Variants in PIBF1 observed in about 807,000 individuals in gnomAD.
PIBF1 encodes progesterone-induced-blocking factor 1.
A neutral mutation model predicts 112.5 loss-of-function variants in PIBF1; 90 were observed. The ratio of observed to expected loss-of-function variants is 0.80; its 90% CI spans 0.67 to 0.95. The LOEUF (loss-of-function observed/expected upper bound fraction) is 0.95, where lower values mean the gene tolerates loss of function less well. PIBF1 is among the 40% of genes least tolerant of loss of function. The pLI, the probability that PIBF1 is intolerant of heterozygous loss-of-function variation, is 0.00. For synonymous variants in PIBF1, 301 were observed against 288.6 expected (o/e 1.04, Z -0.44); for missense variants, 915 against 852.3 (o/e 1.07, Z -0.92).
intron 11 of PIBF1, among the ~76,000 whole-genome samples, chr13:72,898,039 C>T (rs2040346888): frequency 6.6e-6 from 1 of 152,040 alleles, no homozygotes; most frequent in African/African-American, 2.4e-5. Context: ...GGAACTTTCT[C>T]CAAGATAGAC....
At chr13:72,946,514 T>A (rs966276200) in intron 14 of PIBF1, among the ~76,000 whole-genome samples, 1 of 152,210 alleles carries the variant, frequency 6.6e-6, no homozygotes, top group East Asian at 1.9e-4. Context: ...CCCCAAAGTC[T>A]TAACTCTTTC....
intron 8 of PIBF1, among the ~76,000 whole-genome samples, chr13:72,830,820 T>A (rs1400982852): frequency 6.6e-6 from 1 of 152,152 alleles, no homozygotes; most frequent in Non-Finnish European, 1.5e-5. Flanking sequence ...CTTTTTCTGT[T>A]GTTTGGAATA....
At chr13:72,991,641 C>A (rs1387318641) in intron 16 of PIBF1, among the ~76,000 whole-genome samples, 1 of 151,864 alleles carries the variant, frequency 6.6e-6, no homozygotes, top group Non-Finnish European at 1.5e-5. Flanking sequence ...GTAATCCCAG[C>A]ACTTTGGGAG....
chr13:72,940,809 G>A (rs775110219), intron 14 of PIBF1, among the ~76,000 whole-genome samples: 12 of 152,156 alleles, frequency 7.9e-5, no homozygotes, highest in Non-Finnish European at 1.6e-4. Context: ...TTTGGCTGAT[G>A]GAAATAAGCA....
At chr13:73,015,076 G>A (rs537422432) in intron 17 of PIBF1, among the ~76,000 whole-genome samples, 6 of 152,232 alleles carry the variant, frequency 3.9e-5, no homozygotes, top group South Asian at 2.1e-4. Flanking sequence ...ATGGGCCACC[G>A]CGCCCATCGT....
intron 13 of PIBF1, among the ~76,000 whole-genome samples, chr13:72,922,668 TA>T (rs901402818): frequency 8.8e-4 from 134 of 151,556 alleles, no homozygotes; most frequent in African/African-American, 2.9e-3. Context: ...AACTTCATAA[TA>T]AAAAAAAATA....
At chr13:72,828,927 A>T (rs1413387863) in intron 8 of PIBF1, among the ~76,000 whole-genome samples, 1 of 152,162 alleles carries the variant, frequency 6.6e-6, no homozygotes, top group Non-Finnish European at 1.5e-5. Context: ...CTATTTCTCC[A>T]CATCCTCTCC....
intron 10 of PIBF1, among the ~76,000 whole-genome samples, chr13:72,891,825 T>C (rs957442268): frequency 6.6e-6 from 1 of 152,162 alleles, no homozygotes; most frequent in Non-Finnish European, 1.5e-5. Context: ...CAACTGATGA[T>C]GGATAAGCAA....
chr13:72,878,026 G>C (rs1013933633), intron 10 of PIBF1, among the ~76,000 whole-genome samples: 12 of 152,022 alleles, frequency 7.9e-5, no homozygotes, highest in Non-Finnish European at 1.5e-4. Flanking sequence ...TGGGATTACA[G>C]GTGTAAGTCA....
At chr13:72,802,737 A>C (rs2035544956) in intron 5 of PIBF1, among the ~76,000 whole-genome samples, 1 of 152,154 alleles carries the variant, frequency 6.6e-6, no homozygotes, top group African/African-American at 2.4e-5. Context: ...TGTGAACTTT[A>C]GAAGATAAGC....
intron 10 of PIBF1, among the ~76,000 whole-genome samples, chr13:72,869,418 A>G (rs2039062217): frequency 6.9e-6 from 1 of 144,738 alleles, no homozygotes; most frequent in African/African-American, 2.6e-5. Flanking sequence ...TTGAACAATG[A>G]GAGCACATGG....
At chr13:72,943,996 TA>T (rs1257031215) in intron 14 of PIBF1, among the ~76,000 whole-genome samples, 1 of 152,226 alleles carries the variant, frequency 6.6e-6, no homozygotes, top group Non-Finnish European at 1.5e-5. Context: ...AATCACTCGG[TA>T]AATGTAGGAT....
Position 73,005,170 on chromosome 13 carries a change from C to A in PIBF1, c.2223+6175C>A, listed in dbSNP as rs1004603108. Among the ~76,000 whole-genome samples, 8 of 151,842 alleles carry A rather than the reference C, an allele frequency of 5.3e-5. No homozygotes were observed. In the East Asian group the frequency reaches 1.5e-3, roughly 29 times the overall value. On this transcript the variant is annotated intron_variant, in intron 17 of 17. Transcript: ENST00000326291. ...AGCCTGGGCAACAAGAGTGAAACTCCATCTCAAATAAAAATAAAAATAGTT... is the reference window on the plus strand; with the variant it reads ...AGCCTGGGCAACAAGAGTGAAACTCAATCTCAAATAAAAATAAAAATAGTT...
Position 72,795,459 on chromosome 13 carries a change from G to A in PIBF1, c.454G>A (p.Val152Ile). The change falls in exon 4 of 18, where the codon GTT becomes ATT. Residue 152 changes from valine to isoleucine, a missense_variant. Physicochemically the swap from Val to Ile is conservative, Grantham distance 29. Coordinates refer to ENST00000326291, the MANE Select transcript of PIBF1 (RefSeq NM_006346.4). Reference sequence around the variant, plus strand: ...TCAGCTAAGAGAAAAAGCTGGAGATGTTCGTCGAAACCTGCGTGACTTTGA... The same window carrying A: ...TCAGCTAAGAGAAAAAGCTGGAGATATTCGTCGAAACCTGCGTGACTTTGA... ...NLQLREKAGD[V>I]RRNLRDFELT... 1 of 1,610,706 alleles carries A rather than the reference G, an allele frequency of 6.2e-7. No individual in the cohort carries two copies. The highest frequency in any genetic ancestry group is 8.5e-7 in the Non-Finnish European group (1 of 1,178,462).
chr13:72,911,972 G>A (rs1397096161), intron 12 of PIBF1, among the ~76,000 whole-genome samples: 1 of 145,496 alleles, frequency 6.9e-6, no homozygotes, highest in Non-Finnish European at 1.5e-5. Flanking sequence ...GAAAAAAAGA[G>A]AAAGAGAGAA....
chr13:72,787,070 A>G (rs1221067243), intron 2 of PIBF1, among the ~76,000 whole-genome samples: 1 of 152,206 alleles, frequency 6.6e-6, no homozygotes, highest in South Asian at 2.1e-4. Context: ...TATTTTTATT[A>G]AAGAATATGT....
chr13:72,941,034 G>C (rs1286523198), intron 14 of PIBF1, among the ~76,000 whole-genome samples: 1 of 152,158 alleles, frequency 6.6e-6, no homozygotes, highest in African/African-American at 2.4e-5. Flanking sequence ...TCTATCAACA[G>C]CTCCTTAACT....
At chr13:72,900,808 A>C (rs2040455564) in intron 11 of PIBF1, among the ~76,000 whole-genome samples, 1 of 152,172 alleles carries the variant, frequency 6.6e-6, no homozygotes, top group Non-Finnish European at 1.5e-5. Context: ...AGATTACATG[A>C]GGTTGGGAGT....
At chr13:72,920,436 C>T (rs1230454357) in intron 13 of PIBF1, among the ~76,000 whole-genome samples, 1 of 152,192 alleles carries the variant, frequency 6.6e-6, no homozygotes, top group Non-Finnish European at 1.5e-5. Context: ...TTACTGTATG[C>T]ACAAAATTGA....
Sources: gnomAD v4.1 joint callset for allele counts (sites outside exome capture counted in the v4.1 genomes callset) on GRCh38, gnomAD v4.1.1 for gene constraint, MANE v1.5 for transcripts, NCBI Gene and HGNC (gene_info 2026-07-23, HGNC 2026-07-21) for gene names.